The following TENM3 variants were observed in gnomAD, a reference collection of about 807,000 sequenced individuals.
TENM3 encodes the protein teneurin transmembrane protein 3.
Under a neutral mutation model 255.1 loss-of-function variants are expected in TENM3, and 63 were observed. That is an observed-to-expected ratio of 0.25 (90% CI 0.20 to 0.30). The LOEUF (loss-of-function observed/expected upper bound fraction) is 0.30. Among genes scored for constraint, TENM3 ranks in the 10% least tolerant of loss-of-function variants. The probability of loss-of-function intolerance (pLI) is 1.00; values close to 1 mark genes in which losing one functional copy is unlikely to be tolerated. For missense variants in TENM3, 2,929 were observed against 3,461.1 expected, an observed-to-expected ratio of 0.85 and a Z score of 3.86; for synonymous variants, 1,306 against 1,322.3, an observed-to-expected ratio of 0.99 and a Z score of 0.27.
At chr4:181,587,381 G>A in the TENM3 span, among the ~76,000 whole-genome samples, 1 of 152,192 alleles carries the variant, frequency 6.6e-6, no homozygotes, top group African/African-American at 2.4e-5. Context: ...TATCCTGGAA[G>A]AAGACCCGCA....
chr4:182,166,178 A>G (rs1295195871), intron 1 of TENM3, among the ~76,000 whole-genome samples: 2 of 152,226 alleles, frequency 1.3e-5, no homozygotes, highest in Non-Finnish European at 2.9e-5. Context: ...GCTGTTTCGT[A>G]AAGATACCTT....
chr4:181,857,745 A>C, the TENM3 span, among the ~76,000 whole-genome samples: 3 of 151,822 alleles, frequency 2.0e-5, no homozygotes, highest in Non-Finnish European at 4.4e-5. Context: ...TGACAGAGAG[A>C]GATCCTGTTC....
the TENM3 span, among the ~76,000 whole-genome samples, chr4:181,752,616 T>C: frequency 6.6e-6 from 1 of 152,146 alleles, no homozygotes. Flanking sequence ...GTATTTATTA[T>C]CTCACACTCC....
chr4:182,799,952 C>T lies in TENM3; in HGVS notation c.7701C>T (p.Gly2567=). ...SDLGTLRLTS[G]RKALENGINV... is the part of the protein sequence containing the mutation. ...TGGGCACGCTGCGGTTGACCAGCGGCCGCAAGGCGCTGGAGAACGGCATCA... is the reference window on the plus strand; with the variant it reads ...TGGGCACGCTGCGGTTGACCAGCGGTCGCAAGGCGCTGGAGAACGGCATCA... The change falls in exon 28 of 28, where the codon GGC becomes GGT. Residue 2567 remains glycine, a synonymous_variant. Coordinates refer to ENST00000511685, the MANE Select transcript of TENM3 (RefSeq NM_001080477.4). This position sits in a 1 kb window ranked among gnomAD's most constrained non-coding sequence, Gnocchi z 4.2. 6.3e-7 allele frequency: 1 copy of T among 1,592,802 alleles called. No homozygotes were observed. The highest frequency in any genetic ancestry group is 8.5e-7 in the Non-Finnish European group (1 of 1,170,262).
the TENM3 span, among the ~76,000 whole-genome samples, chr4:181,737,508 A>G: frequency 6.6e-6 from 1 of 152,180 alleles, no homozygotes; most frequent in African/African-American, 2.4e-5. Flanking sequence ...AGATGTCTTC[A>G]GATCACAAGA....
upstream of TENM3, among the ~76,000 whole-genome samples, chr4:182,139,002 G>C (rs916416403): frequency 2.6e-5 from 4 of 152,086 alleles, no homozygotes; most frequent in African/African-American, 9.7e-5. Context: ...AAGTCAGAGG[G>C]GCTAAAGACA....
chr4:182,567,889 G>T (rs1372553772), intron 3 of TENM3, among the ~76,000 whole-genome samples: 1 of 149,836 alleles, frequency 6.7e-6, no homozygotes, highest in Admixed American at 6.6e-5. Context: ...GTTCATAGAG[G>T]TAACTCATGC....
intron 1 of TENM3, among the ~76,000 whole-genome samples, chr4:182,176,399 T>A (rs533009263): frequency 6.6e-6 from 1 of 152,216 alleles, no homozygotes; most frequent in Non-Finnish European, 1.5e-5. Flanking sequence ...CCTCATAGAT[T>A]TGTAATGAGG....
intron 19 of TENM3, 98 bp from the exon 20 acceptor site, chr4:182,751,700 CTA>C: frequency 1.2e-6 from 1 of 806,426 alleles, no homozygotes; most frequent in Non-Finnish European, 2.1e-6. Flanking sequence ...GGATTCCAGA[CTA>C]TAATCAGTTT....
the TENM3 span, among the ~76,000 whole-genome samples, chr4:181,808,931 T>C: frequency 2.0e-5 from 3 of 152,308 alleles, no homozygotes; most frequent in East Asian, 1.9e-4. Context: ...GTGTTAACAA[T>C]TGGACAAGGA....
chr4:181,833,480 A>G, the TENM3 span, among the ~76,000 whole-genome samples: 1 of 152,194 alleles, frequency 6.6e-6, no homozygotes, highest in Non-Finnish European at 1.5e-5. Flanking sequence ...TGTCGCTGCC[A>G]TGCTTAAAAC....
the TENM3 span, among the ~76,000 whole-genome samples, chr4:181,472,427 AT>A: frequency 6.6e-6 from 1 of 152,112 alleles, no homozygotes; most frequent in Admixed American, 6.5e-5. Context: ...TTACTTCAAT[AT>A]AGAACAGCAA....
the TENM3 span, among the ~76,000 whole-genome samples, chr4:181,630,924 C>A: frequency 6.6e-6 from 1 of 152,118 alleles, no homozygotes; most frequent in Non-Finnish European, 1.5e-5. Flanking sequence ...TAACAAAATT[C>A]TACAAACATA....
chr4:181,634,598 A>G, the TENM3 span, among the ~76,000 whole-genome samples: 42 of 152,228 alleles, frequency 2.8e-4, no homozygotes, highest in African/African-American at 9.6e-4. Flanking sequence ...ATATATTTTA[A>G]GTCTCTCTTG....
chr4:182,261,375 C>T (rs1355772168), intron 1 of TENM3, among the ~76,000 whole-genome samples: 1 of 152,128 alleles, frequency 6.6e-6, no homozygotes, highest in African/African-American at 2.4e-5. Context: ...TCACCTTGGG[C>T]AGTTATGGCT....
upstream of TENM3, chr4:182,142,432 C>T (rs1749513112): frequency 6.0e-6 from 1 of 167,114 alleles, no homozygotes; most frequent in South Asian, 2.1e-4. Flanking sequence ...CTCCTCACTT[C>T]TAGCCCAAAC....
intron 13 of TENM3, among the ~76,000 whole-genome samples, chr4:182,722,010 A>T (rs909005294): frequency 1.3e-5 from 2 of 152,052 alleles, no homozygotes; most frequent in African/African-American, 4.8e-5. Flanking sequence ...CTTATCTTTT[A>T]ACTTTGTAAT....
At chr4:182,242,885 A>G (rs748682932), upstream of TENM3, among the ~76,000 whole-genome samples, 1 of 152,198 alleles carries the variant, frequency 6.6e-6, no homozygotes, top group Non-Finnish European at 1.5e-5. Context: ...CTTATCAGAG[A>G]TGGAAATAAA....
chr4:182,793,169 A>G lies in TENM3; in HGVS notation c.6497A>G (p.Asn2166Ser). The part of the protein sequence containing the change: ...NGNLHLLNPS[N>S]SARLTPLRYD... Reference sequence around the variant, plus strand: ...AACCTCCATTTACTGAACCCAAGTAACAGTGCGCGTCTGACACCCCTTCGC... The same window carrying G: ...AACCTCCATTTACTGAACCCAAGTAGCAGTGCGCGTCTGACACCCCTTCGC... The change falls in exon 26 of 28, where the codon AAC (asparagine) becomes AGC (serine). Residue 2166 changes from asparagine to serine, a missense_variant. By Grantham distance (46) the Asn-to-Ser change is conservative. Around this residue, in one of 6 missense-constraint regions of TENM3, gnomAD observed 256 missense variants for 389.3 expected, o/e 0.66. Transcript: ENST00000511685. The surrounding 1 kb of genome is among the most constrained non-coding windows in gnomAD (Gnocchi z 5.7). 6.2e-7 allele frequency: 1 copy of G among 1,614,024 alleles called. No individual in the cohort carries two copies. The highest frequency in any genetic ancestry group is 8.5e-7 in the Non-Finnish European group (1 of 1,179,890).
Sources: allele counts gnomAD v4.1 joint callset (sites outside exome capture counted in the v4.1 genomes callset), GRCh38; gene constraint gnomAD v4.1.1; regional missense constraint gnomAD v4.1.1; non-coding constraint Gnocchi (gnomAD v3.1); transcripts MANE v1.5; gene names NCBI Gene and HGNC (gene_info 2026-07-23, HGNC 2026-07-21).